MTA3: variants seen among roughly 807,000 people sequenced by gnomAD.
The protein encoded by MTA3 is metastasis associated 1 family member 3.
A neutral mutation model predicts 83.5 loss-of-function variants in MTA3; 34 were observed. The ratio of observed to expected loss-of-function variants is 0.41; its 90% CI spans 0.31 to 0.54. The LOEUF (loss-of-function observed/expected upper bound fraction) is 0.54, where lower values mean the gene tolerates loss of function less well. Ranked by LOEUF, MTA3 falls within the 20% of genes least tolerant of loss-of-function variation. The probability of loss-of-function intolerance (pLI) is 0.33; values close to 1 mark genes in which losing one functional copy is unlikely to be tolerated. For missense variants in MTA3, 761 were observed against 726.4 expected, an observed-to-expected ratio of 1.05 and a Z score of -0.55; for synonymous variants, 303 against 252.7, an observed-to-expected ratio of 1.20 and a Z score of -1.89.
chr2:42,684,058 C>T (rs985431010), intron 9 of MTA3, among the ~76,000 whole-genome samples: 3 of 152,120 alleles, frequency 2.0e-5, no homozygotes, highest in Admixed American at 2.0e-4. Flanking sequence ...ACACATTCAT[C>T]ACCTCACTTA....
intron 2 of MTA3, among the ~76,000 whole-genome samples, chr2:42,497,695 T>A (rs891781150): frequency 1.4e-4 from 22 of 152,268 alleles, no homozygotes; most frequent in African/African-American, 4.8e-4. Flanking sequence ...ACCTCATTGA[T>A]CTTCAGTTTT....
intron 2 of MTA3, among the ~76,000 whole-genome samples, chr2:42,495,746 G>C (rs1300726348): frequency 6.6e-6 from 1 of 152,134 alleles, no homozygotes; most frequent in Non-Finnish European, 1.5e-5. Flanking sequence ...AGCAGAAATG[G>C]CTTGATGAAA....
intron 16 of MTA3, among the ~76,000 whole-genome samples, chr2:42,750,417 C>A (rs1669785478): frequency 6.7e-6 from 1 of 150,028 alleles, no homozygotes; most frequent in Admixed American, 6.6e-5. Flanking sequence ...TTTTTTTTTC[C>A]CTGGTGACCT....
chr2:42,641,573 C>T (rs758372811), intron 5 of MTA3, among the ~76,000 whole-genome samples: 5 of 151,402 alleles, frequency 3.3e-5, no homozygotes, highest in Non-Finnish European at 4.4e-5. Flanking sequence ...TTCGGCCGAA[C>T]GTGGTGGCTC....
chr2:42,585,224 G>T (rs1680129850), intron 3 of MTA3, among the ~76,000 whole-genome samples: 1 of 151,904 alleles, frequency 6.6e-6, no homozygotes, highest in African/African-American at 2.4e-5. Context: ...GAGCAGCTGG[G>T]ATTACAGGCA....
At chr2:42,607,068 A>G (rs1683537836) in intron 3 of MTA3, among the ~76,000 whole-genome samples, 2 of 75,264 alleles carry the variant, frequency 2.7e-5, no homozygotes, top group South Asian at 1.5e-3. Flanking sequence ...AGGTAGAGGT[A>G]GGGGTAGGGG....
chr2:42,616,421 C>CTTTTTT (rs111768597), intron 4 of MTA3, among the ~76,000 whole-genome samples: 2 of 139,160 alleles, frequency 1.4e-5, no homozygotes, highest in Non-Finnish European at 3.1e-5. Context: ...GATCTCTTGT[C>CTTTTTT]TTTTTTTTTT....
At chr2:42,560,142 C>T (rs1677595464) in intron 2 of MTA3, among the ~76,000 whole-genome samples, 1 of 152,028 alleles carries the variant, frequency 6.6e-6, no homozygotes. Flanking sequence ...CCCGCCTCAG[C>T]CTTCTGAGCA....
intron 2 of MTA3, among the ~76,000 whole-genome samples, chr2:42,517,648 G>T (rs555407911): frequency 6.6e-6 from 1 of 151,454 alleles, no homozygotes; most frequent in South Asian, 2.1e-4. Flanking sequence ...GGAGGCGAAG[G>T]AAGGTGATCA....
intron 4 of MTA3, among the ~76,000 whole-genome samples, chr2:42,614,997 G>T (rs1684685632): frequency 6.9e-6 from 1 of 145,120 alleles, no homozygotes. Context: ...AAAACAAAAA[G>T]CAGAAAACCT....
chr2:42,539,264 T>A (rs894375730), intron 2 of MTA3, among the ~76,000 whole-genome samples: 6 of 151,920 alleles, frequency 3.9e-5, no homozygotes, highest in African/African-American at 1.5e-4. Flanking sequence ...AGGAAAGAGG[T>A]TTAATTGACT....
intron 16 of MTA3, among the ~76,000 whole-genome samples, chr2:42,740,553 C>G (rs770044081): frequency 4.6e-5 from 7 of 152,202 alleles, no homozygotes; most frequent in Non-Finnish European, 1.0e-4. Context: ...ATTCATCCAT[C>G]CGTTCATCCA....
At chr2:42,665,177 G>T (rs1690121662) in intron 8 of MTA3, among the ~76,000 whole-genome samples, 1 of 152,062 alleles carries the variant, frequency 6.6e-6, no homozygotes, top group African/African-American at 2.4e-5. Context: ...AGGCAGGTGG[G>T]TCAAAGGAGT....
chr2:42,504,145 G>A (rs1418157699), intron 2 of MTA3, among the ~76,000 whole-genome samples: 1 of 151,984 alleles, frequency 6.6e-6, no homozygotes, highest in Admixed American at 6.6e-5. Context: ...GGACAGTCTG[G>A]TCTTGAACTC....
intron 16 of MTA3, among the ~76,000 whole-genome samples, chr2:42,728,363 C>G (rs1179019020): frequency 6.6e-6 from 1 of 152,174 alleles, no homozygotes; most frequent in African/African-American, 2.4e-5. Context: ...AGGTTGCTTC[C>G]AAATCTTGGC....
chr2:42,634,490 T>C (rs1051730108), intron 4 of MTA3, among the ~76,000 whole-genome samples: 1 of 152,090 alleles, frequency 6.6e-6, no homozygotes, highest in African/African-American at 2.4e-5. Context: ...GTCAAACATG[T>C]ATAAAACCGT....
At chr2:42,616,664 G>A (rs1283769248) in intron 4 of MTA3, among the ~76,000 whole-genome samples, 5 of 131,914 alleles carry the variant, frequency 3.8e-5, no homozygotes, top group Admixed American at 9.2e-5. Context: ...CTGCAGCCTC[G>A]TCCTCCCTGG....
chr2:42,568,919 G>T, intron 1 of MTA3, 146 bp downstream of exon 1: 6 of 805,374 alleles, frequency 7.4e-6, no homozygotes, highest in Non-Finnish European at 9.8e-6. Flanking sequence ...CAGAGGGGCC[G>T]GGACTCCCCA....
intron 2 of MTA3, among the ~76,000 whole-genome samples, chr2:42,504,758 A>G (rs535843988): frequency 6.6e-6 from 1 of 151,868 alleles, no homozygotes; most frequent in East Asian, 1.9e-4. Flanking sequence ...CATCTTCCCA[A>G]AGTGCTGGGA....
Sources: gnomAD v4.1 joint callset for allele counts (sites outside exome capture counted in the v4.1 genomes callset) on GRCh38, gnomAD v4.1.1 for gene constraint, MANE v1.5 for transcripts, NCBI Gene and HGNC (gene_info 2026-07-23, HGNC 2026-07-21) for gene names.